RBPJ: variants seen among roughly 807,000 people sequenced by gnomAD.
RBPJ encodes recombination signal binding protein for immunoglobulin kappa J region, also known as recombining binding protein suppressor of hairless.
Under a neutral mutation model 67.8 loss-of-function variants are expected in RBPJ, and 9 were observed. That is an observed-to-expected ratio of 0.13 (90% CI 0.08 to 0.23). RBPJ has a LOEUF of 0.23. RBPJ is among the 10% of genes least tolerant of loss of function. The pLI is 1.00. For synonymous variants in RBPJ, 198 were observed against 203.3 expected (o/e 0.97, Z 0.22); for missense variants, 305 against 595.6 (o/e 0.51, Z 5.08).
At chr4:26,304,842 AT>A (rs1722184463) in intron 1 of RBPJ, among the ~76,000 whole-genome samples, 1 of 150,788 alleles carries the variant, frequency 6.6e-6, no homozygotes, top group South Asian at 2.1e-4. Flanking sequence ...AAAGTTTTAA[AT>A]TTTGATGAAG....
intron 1 of RBPJ, among the ~76,000 whole-genome samples, chr4:26,350,727 G>C (rs1408175476): frequency 6.6e-6 from 1 of 152,178 alleles, no homozygotes; most frequent in Non-Finnish European, 1.5e-5. Flanking sequence ...ATTAGATGTG[G>C]CATGTGAAGT....
At chr4:26,225,046 C>T (rs1719035649) in intron 1 of RBPJ, among the ~76,000 whole-genome samples, 3 of 152,336 alleles carry the variant, frequency 2.0e-5, no homozygotes, top group African/African-American at 7.2e-5. Context: ...TGACTGATGG[C>T]AGTGGACTTG....
rs1158489188 is a variant in RBPJ at position 26,270,413 on chromosome 4, GAA to G, written c.-166-92031_-166-92030del. On this transcript the variant is annotated intron_variant, in intron 1 of 4. Coordinates refer to the RBPJ transcript ENST00000512351. ...AGAAAGAAAGAAAGAAAGAAAGAAA[GAA>G]AGAAAGAAAGAAAGAAAGAAAGAAG... Among the ~76,000 whole-genome samples the G allele has an allele frequency of 7.7e-4, 43 of 55,890 alleles. 2 individuals carry two copies. Among genetic ancestry groups the G allele is most frequent in the African/African-American group, 2.0e-3 (42 of 20,818 alleles). The allele number at this position is 55,890 out of a possible 152,430, so 36.7% of individuals were successfully genotyped here. A position where few individuals can be genotyped will look rare whatever the true frequency, so the allele number is the denominator to read the frequency against.
At chr4:26,237,410 G>A (rs1256016877) in intron 1 of RBPJ, among the ~76,000 whole-genome samples, 3 of 152,080 alleles carry the variant, frequency 2.0e-5, no homozygotes, top group Admixed American at 6.5e-5. Flanking sequence ...ATCCTTTCTC[G>A]AAGCCTCACA....
chr4:26,205,407 G>A (rs536095402), intron 1 of RBPJ, among the ~76,000 whole-genome samples: 1 of 152,048 alleles, frequency 6.6e-6, no homozygotes, highest in Non-Finnish European at 1.5e-5. Context: ...TGACTATGTG[G>A]GATTCCTTTT....
At chr4:26,357,402 T>C (rs1330215011) in intron 1 of RBPJ, among the ~76,000 whole-genome samples, 2 of 152,220 alleles carry the variant, frequency 1.3e-5, no homozygotes, top group Non-Finnish European at 2.9e-5. Flanking sequence ...GGTTGAATGT[T>C]GTGGCTGTCT....
intron 1 of RBPJ, among the ~76,000 whole-genome samples, chr4:26,332,475 G>A (rs1724362417): frequency 6.6e-6 from 1 of 152,076 alleles, no homozygotes. Flanking sequence ...AAATTCTAAT[G>A]TAATTTAAAA....
chr4:26,245,684 C>A (rs553350276), intron 1 of RBPJ, among the ~76,000 whole-genome samples: 1 of 152,282 alleles, frequency 6.6e-6, no homozygotes, highest in East Asian at 1.9e-4. Flanking sequence ...CCCAAGTTTT[C>A]TTCTATGAGT....
chr4:26,289,345 A>G (rs1721584371), intron 1 of RBPJ, among the ~76,000 whole-genome samples: 1 of 144,514 alleles, frequency 6.9e-6, no homozygotes, highest in Non-Finnish European at 1.5e-5. Flanking sequence ...AGGTCAAACC[A>G]CTGCACTCCA....
Position 26,429,916 on chromosome 4 carries a change from G to C in RBPJ, c.907G>C (p.Glu303Gln), listed in dbSNP as rs1736044134. Reference sequence around the variant, plus strand: ...TTATTAGGCCACTCCATGTCCAAAAGAACCAAATAAAGAGATGATAAATGA... The same window carrying C: ...TTATTAGGCCACTCCATGTCCAAAACAACCAAATAAAGAGATGATAAATGA... ...IQFQATPCPK[E>Q]PNKEMINDGA... The change falls in exon 9 of 11, where the codon GAA (glutamate) becomes CAA (glutamine). Residue 303 changes from glutamate to glutamine, a missense_variant. Around this residue, in one of 7 missense-constraint regions of RBPJ, gnomAD observed 66 missense variants for 226.0 expected, o/e 0.29. Transcript: ENST00000355476. The C allele has an allele frequency of 6.2e-7, 1 of 1,612,772 alleles. No individual in the cohort carries two copies. The highest frequency in any genetic ancestry group is 1.7e-5 in the Admixed American group (1 of 59,992).
intron 1 of RBPJ, among the ~76,000 whole-genome samples, chr4:26,311,638 A>G (rs931446399): frequency 2.0e-5 from 3 of 152,040 alleles, no homozygotes; most frequent in Non-Finnish European, 2.9e-5. Flanking sequence ...TTGGATACAC[A>G]CCTAGGAACT....
intron 3 of RBPJ, among the ~76,000 whole-genome samples, chr4:26,412,085 A>G (rs1734078814): frequency 1.3e-5 from 2 of 148,720 alleles, no homozygotes; most frequent in African/African-American, 4.9e-5. Flanking sequence ...ACTGCACTCC[A>G]GCCTGGGTGA....
At chr4:26,209,923 A>G (rs1259965733) in intron 1 of RBPJ, among the ~76,000 whole-genome samples, 2 of 146,984 alleles carry the variant, frequency 1.4e-5, no homozygotes, top group Admixed American at 7.1e-5. Context: ...TTTCCCATTC[A>G]TATCATTTTC....
intron 1 of RBPJ, among the ~76,000 whole-genome samples, chr4:26,184,150 C>G (rs368468127): frequency 2.7e-4 from 41 of 149,706 alleles, no homozygotes; most frequent in African/African-American, 1.0e-3. Flanking sequence ...CCACAGCACT[C>G]CAGCCTGGGT....
At chr4:26,428,575 A>T in intron 7 of RBPJ, 145 bp from the exon 8 acceptor site, 1 of 575,994 alleles carries the variant, frequency 1.7e-6, no homozygotes. Flanking sequence ...TTTGTTTGTG[A>T]ATGTTTTTAT....
intron 1 of RBPJ, among the ~76,000 whole-genome samples, chr4:26,285,670 T>C (rs1340694792): frequency 7.7e-6 from 1 of 129,202 alleles, no homozygotes; most frequent in African/African-American, 3.3e-5. Flanking sequence ...TTAATGATAC[T>C]GATACGTTAA....
chr4:26,274,756 C>T (rs192526471), intron 1 of RBPJ, among the ~76,000 whole-genome samples: 30 of 152,220 alleles, frequency 2.0e-4, no homozygotes, highest in African/African-American at 7.0e-4. Flanking sequence ...CTCAACATGG[C>T]AAAACCTCGT....
At chr4:26,293,665 C>T (rs1721751685) in intron 1 of RBPJ, among the ~76,000 whole-genome samples, 1 of 141,894 alleles carries the variant, frequency 7.0e-6, no homozygotes, top group African/African-American at 2.6e-5. Flanking sequence ...ATAAAAAGCA[C>T]AGAGTTTTTA....
Position 26,388,602 on chromosome 4 carries a change from A to ACT in RBPJ, c.59+2212_59+2213insTC, listed in dbSNP as rs563208540. ...AATAGAGACATAGAAGATTACACAC[A>ACT]CACTCTCTCTCTCTCTCTCTCTCTC... On this transcript the variant is annotated intron_variant, in intron 2 of 10. Coordinates refer to ENST00000355476, the MANE Select transcript of RBPJ (RefSeq NM_015874.6). Among the ~76,000 whole-genome samples the ACT allele has an allele frequency of 5.4e-3, 603 of 111,358 alleles. 3 individuals are homozygous for ACT. Among genetic ancestry groups the ACT allele is most frequent in the African/African-American group, 0.016 (580 of 37,176 alleles). The allele number at this position is 111,358 out of a possible 152,430, so 73.1% of individuals were successfully genotyped here. A position where few individuals can be genotyped will look rare whatever the true frequency, so the allele number is the denominator to read the frequency against.
Sources: gnomAD v4.1 joint callset for allele counts (sites outside exome capture counted in the v4.1 genomes callset) on GRCh38, gnomAD v4.1.1 for gene constraint, gnomAD v4.1.1 regional missense constraint, MANE v1.5 for transcripts, NCBI Gene and HGNC (gene_info 2026-07-23, HGNC 2026-07-21) for gene names.